Variants in PLLP observed in about 807,000 individuals in gnomAD.
The protein encoded by PLLP is plasmolipin, also known as plasma membrane proteolipid (plasmolipin).
A neutral mutation model predicts 19.7 loss-of-function variants in PLLP; 15 were observed. The observed-to-expected ratio is 0.76, with a 90% CI of 0.51 to 1.17. The LOEUF (loss-of-function observed/expected upper bound fraction) is 1.17. PLLP is among the 50% of genes most tolerant of loss of function. The probability of loss-of-function intolerance (pLI) is 0.00; values close to 1 mark genes in which losing one functional copy is unlikely to be tolerated. For missense variants in PLLP, 255 were observed against 258.3 expected, an observed-to-expected ratio of 0.99 and a Z score of 0.09; for synonymous variants, 111 against 116.3, an observed-to-expected ratio of 0.95 and a Z score of 0.29.
intron 1 of PLLP, among the ~76,000 whole-genome samples, 181 bp downstream of exon 1, chr16:57,284,225 C>A (rs1320036664): frequency 1.3e-5 from 2 of 152,080 alleles, no homozygotes; most frequent in Non-Finnish European, 2.9e-5. Context: ...GGATGCAGGG[C>A]GATCTTGGGG....
At position 57,262,011 on chromosome 16, in the gene PLLP, G is replaced by T. The variant is rs962863784; in HGVS notation, c.195C>A (p.Ala65=). 1 of 1,614,190 alleles carries T rather than the reference G, an allele frequency of 6.2e-7. No individual in the cohort carries two copies. Among genetic ancestry groups the T allele is most frequent in the Non-Finnish European group, 8.5e-7 (1 of 1,180,026 alleles). Reference sequence around the variant, plus strand: ...CAGCGACGAACATCACCCAGCCATAGGCCGGATACAGGTGGTACGGGGTGT... The same window carrying T: ...CAGCGACGAACATCACCCAGCCATATGCCGGATACAGGTGGTACGGGGTGT... ...IADTPYHLYP[A]YGWVMFVAVF... The change falls in exon 2 of 4, where the codon GCC becomes GCA. Residue 65 remains alanine, a synonymous_variant. Coordinates refer to ENST00000219207, the MANE Select transcript of PLLP (RefSeq NM_015993.3).
chr16:57,284,587 C>CGTAG lies in PLLP; in HGVS notation c.-48_-47insCTAC, dbSNP rs1901262757. The CGTAG allele has an allele frequency of 1.5e-6, 2 of 1,314,100 alleles. No homozygotes were observed. The highest frequency in any genetic ancestry group is 3.0e-5 in the African/African-American group (2 of 66,176). 81.4% of individuals were successfully genotyped at this position (1,314,100 alleles called of 1,614,324 possible). Reference sequence around the variant, plus strand: ...AGGTCGCTACGGCCGCCGTCGCCGCCCCTCCAGCGGTGGGTGCCGGCTCCC... The same window carrying CGTAG: ...AGGTCGCTACGGCCGCCGTCGCCGCCGTAGCCTCCAGCGGTGGGTGCCGGCTCCC... On this transcript the variant is annotated 5_prime_UTR_variant, in exon 1 of 4. Coordinates refer to ENST00000219207, the MANE Select transcript of PLLP (RefSeq NM_015993.3).
At chr16:57,280,921 A>G (rs1314605285) in intron 1 of PLLP, among the ~76,000 whole-genome samples, 3 of 152,210 alleles carry the variant, frequency 2.0e-5, no homozygotes, top group African/African-American at 7.2e-5. Context: ...CTTCTCCAGG[A>G]GCTGGGAGCC....
intron 3 of PLLP, 103 bp from the exon 4 acceptor site, chr16:57,257,132 TCTCACACTTAGCCA>T: frequency 1.3e-6 from 1 of 785,286 alleles, no homozygotes; most frequent in Non-Finnish European, 2.2e-6. Context: ...AGCCGCACCA[TCTCACACTTAGCCA>T]GATGCATTTC....
At chr16:57,280,878 A>G (rs1275901506) in intron 1 of PLLP, among the ~76,000 whole-genome samples, 1 of 152,232 alleles carries the variant, frequency 6.6e-6, no homozygotes. Context: ...GTTCTTCAGG[A>G]CACATTCTGA....
In PLLP at chr16:57,257,790, G is replaced by A. The variant is rs113288939; in HGVS notation, c.432+672C>T. Among the ~76,000 whole-genome samples the A allele has an allele frequency of 1.8e-4, 27 of 152,330 alleles. 1 individual carries two copies. Among genetic ancestry groups the A allele is most frequent in the African/African-American group, 5.3e-4 (22 of 41,572 alleles). ...GGTTTAAACCAAAAGGTTTTTGCAC[G>A]TGCACTTGTCAGTGGGAGAGCATGT... On this transcript the variant is annotated intron_variant, in intron 3 of 3. Coordinates refer to ENST00000219207, the MANE Select transcript of PLLP (RefSeq NM_015993.3).
intron 1 of PLLP, among the ~76,000 whole-genome samples, chr16:57,269,935 A>G (rs570564420): frequency 1.6e-4 from 24 of 152,056 alleles, no homozygotes; most frequent in African/African-American, 5.3e-4. Context: ...TGCCCGGCTA[A>G]TTTTTGTATT....
chr16:57,266,198 T>C (rs1041938816), intron 1 of PLLP, among the ~76,000 whole-genome samples: 2 of 152,010 alleles, frequency 1.3e-5, no homozygotes, highest in Non-Finnish European at 2.9e-5. Flanking sequence ...CCCGCCGCCA[T>C]CCCTGCCCCG....
At chr16:57,272,867 G>T (rs1037828735) in intron 1 of PLLP, among the ~76,000 whole-genome samples, 2 of 152,106 alleles carry the variant, frequency 1.3e-5, no homozygotes, top group Admixed American at 1.3e-4. Flanking sequence ...TGAGGCGGGA[G>T]GATCATGTGA....
At chr16:57,262,761 T>C (rs1297954741) in intron 1 of PLLP, among the ~76,000 whole-genome samples, 1 of 152,018 alleles carries the variant, frequency 6.6e-6, no homozygotes, top group African/African-American at 2.4e-5. Context: ...TAAAAAGGAA[T>C]GCTGACTTGG....
At position 57,256,984 on chromosome 16, in the gene PLLP, A is replaced by C; in HGVS notation, c.478T>G (p.Phe160Val). 1 of 1,614,056 alleles carries C rather than the reference A, an allele frequency of 6.2e-7. No homozygotes were observed. Among genetic ancestry groups the C allele is most frequent in the Non-Finnish European group, 8.5e-7 (1 of 1,179,952 alleles). The change falls in exon 4 of 4, where the codon TTC becomes GTC. Residue 160 changes from phenylalanine (F) to valine (V), a missense_variant. Coordinates refer to ENST00000219207, the MANE Select transcript of PLLP (RefSeq NM_015993.3). ...ACTCCTCGCCAGGCCTGGTAGCTGA[A>C]GAAGGCACTCACTCCATAGGCGATC... ...VMIAYGVSAFFSYQAWRGVGS... is the reference protein window; with the variant it reads ...VMIAYGVSAFVSYQAWRGVGS...
At chr16:57,280,537 C>CTA (rs1901207155) in intron 1 of PLLP, among the ~76,000 whole-genome samples, 1 of 152,098 alleles carries the variant, frequency 6.6e-6, no homozygotes, top group Non-Finnish European at 1.5e-5. Context: ...AACTTGCCTG[C>CTA]CTTGTGACAT....
chr16:57,256,259 A>G lies in PLLP; in HGVS notation c.*654T>C, dbSNP rs1025629629. 3 of 389,752 alleles carry G rather than the reference A, an allele frequency of 7.7e-6. No individual in the cohort carries two copies. The Admixed American group carries it at 1.3e-4, about 17-fold the overall frequency. The allele number at this position is 389,752 out of a possible 1,614,324, so 24.1% of individuals were successfully genotyped here. On this transcript the variant is annotated 3_prime_UTR_variant, in exon 4 of 4. Transcript: ENST00000219207. The stretch of plus-strand genomic sequence containing the variant: ...GATGTTAGCTTCGCCCAAAGGGAGT[A>G]TTACAGAGAGAGGCTTGGGAAAGGG...
intron 2 of PLLP, among the ~76,000 whole-genome samples, 157 bp from the exon 3 acceptor site, chr16:57,258,741 G>A (rs2075433568): frequency 6.6e-6 from 1 of 151,672 alleles, no homozygotes; most frequent in Admixed American, 6.6e-5. Flanking sequence ...GGGGAACATA[G>A]GTAGGCCCCA....
intron 1 of PLLP, among the ~76,000 whole-genome samples, chr16:57,271,473 G>A (rs1034500923): frequency 7.2e-5 from 11 of 151,872 alleles, no homozygotes; most frequent in Non-Finnish European, 1.5e-4. Context: ...GTGAAACCCC[G>A]CCTCTAATAA....
chr16:57,267,963 T>TG (rs1332770027), intron 1 of PLLP, among the ~76,000 whole-genome samples: 4 of 151,406 alleles, frequency 2.6e-5, no homozygotes, highest in Non-Finnish European at 5.9e-5. Flanking sequence ...TATACTGGAT[T>TG]GGGGGCATCT....
chr16:57,270,273 C>T (rs1487566592), intron 1 of PLLP, among the ~76,000 whole-genome samples: 1 of 131,038 alleles, frequency 7.6e-6, no homozygotes, highest in Non-Finnish European at 1.7e-5. Context: ...CCCCAGCCCC[C>T]GAGTCCATCT....
intron 1 of PLLP, among the ~76,000 whole-genome samples, chr16:57,277,513 C>T (rs1901167993): frequency 6.6e-6 from 1 of 152,184 alleles, no homozygotes; most frequent in Non-Finnish European, 1.5e-5. Flanking sequence ...ATCACTTGAA[C>T]TTGGGAGGCA....
Position 57,284,641 on chromosome 16 carries a change from C to G in PLLP, c.-101G>C. The G allele has an allele frequency of 1.7e-6, 2 of 1,152,382 alleles. No homozygotes were observed. Among genetic ancestry groups the G allele is most frequent in the Non-Finnish European group, 2.2e-6 (2 of 904,944 alleles). 71.4% of individuals were successfully genotyped at this position (1,152,382 alleles called of 1,614,324 possible). On this transcript the variant is annotated 5_prime_UTR_variant, in exon 1 of 4. Transcript: ENST00000219207. ...CCGCTTTTCCCCCAGGCTCCGGATC[C>G]CTGTGTGGCTCCAGGCGCTGCAGGA... is the stretch of plus-strand genomic sequence containing the variant.
Sources: gnomAD v4.1 joint callset for allele counts (sites outside exome capture counted in the v4.1 genomes callset) on GRCh38, gnomAD v4.1.1 for gene constraint, MANE v1.5 for transcripts, NCBI Gene and HGNC (gene_info 2026-07-23, HGNC 2026-07-21) for gene names.